Variants in RBFOX1 observed in about 807,000 individuals in gnomAD.
RBFOX1 encodes RNA binding fox-1 homolog 1.
Under a neutral mutation model 57.7 loss-of-function variants are expected in RBFOX1, and 8 were observed. The observed-to-expected ratio is 0.14, with a 90% confidence interval of 0.08 to 0.25. RBFOX1 has a LOEUF of 0.25. Among genes scored for constraint, RBFOX1 ranks in the 10% least tolerant of loss-of-function variants. The pLI is 1.00. For synonymous variants in RBFOX1, 326 were observed against 222.4 expected (o/e 1.47, Z -4.15); for missense variants, 611 against 548.5 (o/e 1.11, Z -1.14).
chr16:5,723,727 T>A (rs1382182970), intron 3 of RBFOX1, among the ~76,000 whole-genome samples: 2 of 152,164 alleles, frequency 1.3e-5, no homozygotes, highest in African/African-American at 2.4e-5. Flanking sequence ...GGATGGTGTC[T>A]GAGGTCTGAT....
chr16:6,264,634 C>A (rs573730136), intron 1 of RBFOX1, among the ~76,000 whole-genome samples: 3 of 152,144 alleles, frequency 2.0e-5, no homozygotes, highest in Non-Finnish European at 4.4e-5. Flanking sequence ...CTCTCCCCAC[C>A]GCTAATGTGC....
intron 4 of RBFOX1, among the ~76,000 whole-genome samples, chr16:7,220,833 A>T (rs752791499): frequency 2.6e-5 from 4 of 151,874 alleles, no homozygotes; most frequent in African/African-American, 4.8e-5. Flanking sequence ...GATTCTCTTG[A>T]TCTCTATCCA....
At chr16:5,640,834 C>T (rs980858910) in intron 3 of RBFOX1, among the ~76,000 whole-genome samples, 6 of 14,784 alleles carry the variant, frequency 4.1e-4, no homozygotes, top group African/African-American at 5.9e-4. Flanking sequence ...CACATACATG[C>T]ACACACACAC....
Position 6,115,185 on chromosome 16 carries a change from A to G in RBFOX1, c.-127+95193A>G, listed in dbSNP as rs371462986. Among the ~76,000 whole-genome samples, 14 of 152,204 alleles carry G rather than the reference A, an allele frequency of 9.2e-5. No individual in the cohort carries two copies. In the East Asian group the frequency reaches 2.3e-3, roughly 25 times the overall value. On this transcript the variant is annotated intron_variant, in intron 1 of 15. Transcript: ENST00000550418. ...TACTAGTTCCTGCCATTTTATTTTT[A>G]CTTCATCCTGTCAGGACCCAGAAAT...
At chr16:5,922,189 C>G (rs1379285171) in intron 4 of RBFOX1, among the ~76,000 whole-genome samples, 1 of 152,078 alleles carries the variant, frequency 6.6e-6, no homozygotes, top group Admixed American at 6.5e-5. Context: ...CAAACCCTAG[C>G]TCTCTATGTG....
At chr16:6,177,630 C>T (rs1040540359) in intron 1 of RBFOX1, among the ~76,000 whole-genome samples, 7 of 152,054 alleles carry the variant, frequency 4.6e-5, no homozygotes, top group Admixed American at 3.3e-4. Context: ...GTCATCCCAG[C>T]AAGATATAAA....
chr16:6,815,007 C>A (rs180989962), intron 3 of RBFOX1, among the ~76,000 whole-genome samples: 1 of 152,152 alleles, frequency 6.6e-6, no homozygotes, highest in African/African-American at 2.4e-5. Context: ...TCATCCTTAT[C>A]ATTACTTCTT....
At chr16:5,240,023 C>T (rs533352721) in exon 1 of RBFOX1, 9 of 1,531,176 alleles carry the variant, frequency 5.9e-6, no homozygotes, top group African/African-American at 2.8e-5. Context: ...AGCGCACAGC[C>T]CGAGGACTGC....
chr16:7,432,017 C>A (rs762789515), intron 4 of RBFOX1, among the ~76,000 whole-genome samples: 10 of 152,210 alleles, frequency 6.6e-5, no homozygotes, highest in Non-Finnish European at 1.3e-4. Context: ...AGGTCCGCTC[C>A]TTCCACTTGC....
rs930163572 is a variant in RBFOX1 at position 7,509,414 on chromosome 16, GTGTGTGTGTGTGTGTGTC to G, written c.28-8727_28-8710del. ...CCTGTGTGTGTGTGTGTGTGTGTGT[GTGTGTGTGTGTGTGTGTC>G]TGTGTCTGTGTCTGTGTGTGGTTTT... is the stretch of plus-strand genomic sequence containing the variant. On this transcript the variant is annotated intron_variant, in intron 4 of 15. Coordinates refer to ENST00000550418, the MANE Select transcript of RBFOX1 (RefSeq NM_018723.4). Among the ~76,000 whole-genome samples the G allele has an allele frequency of 4.6e-5, 6 of 131,230 alleles. No individual in the cohort carries two copies. The East Asian group carries it at 7.4e-4, about 16-fold the overall frequency. The allele number at this position is 131,230 out of a possible 152,430, so 86.1% of individuals were successfully genotyped here.
At chr16:6,102,708 G>A (rs987296661) in intron 1 of RBFOX1, among the ~76,000 whole-genome samples, 3 of 151,992 alleles carry the variant, frequency 2.0e-5, no homozygotes, top group Non-Finnish European at 2.9e-5. Context: ...AATCATTTTC[G>A]CCTCGATTTC....
chr16:7,093,601 A>T (rs1168396090), intron 4 of RBFOX1, among the ~76,000 whole-genome samples: 1 of 152,310 alleles, frequency 6.6e-6, no homozygotes, highest in East Asian at 1.9e-4. Flanking sequence ...TTAGAGGGAA[A>T]CTGGATGGAT....
chr16:7,320,535 C>G (rs562757965), intron 4 of RBFOX1, among the ~76,000 whole-genome samples: 71 of 152,292 alleles, frequency 4.7e-4, no homozygotes, highest in Admixed American at 2.4e-3. Context: ...GCTGTATGCA[C>G]TAATCTTACA....
intron 2 of RBFOX1, among the ~76,000 whole-genome samples, chr16:6,602,244 C>A (rs1470627066): frequency 6.6e-6 from 1 of 152,074 alleles, no homozygotes; most frequent in Non-Finnish European, 1.5e-5. Context: ...AGATGATTGG[C>A]AAATATTCTC....
intron 4 of RBFOX1, among the ~76,000 whole-genome samples, chr16:7,219,920 C>T (rs1170976742): frequency 6.6e-6 from 1 of 152,148 alleles, no homozygotes; most frequent in Non-Finnish European, 1.5e-5. Context: ...ATAGAATGAT[C>T]AGTAGGGTTT....
In RBFOX1 at chr16:6,000,347, C is replaced by A. The variant is rs949694742; in HGVS notation, c.351+133012C>A. Among the ~76,000 whole-genome samples, 7 of 152,074 alleles carry A rather than the reference C, an allele frequency of 4.6e-5. No homozygotes were observed. The East Asian group carries it at 1.2e-3, about 25-fold the overall frequency. ...GATGAAGATCATGCCAAAGCTCAGC[C>A]CTGACCAGGGAGAGGCAGTAACAGC... On this transcript the variant is annotated intron_variant, in intron 4 of 19. Coordinates refer to the RBFOX1 transcript ENST00000641259.
chr16:5,953,037 G>A (rs75701946), intron 4 of RBFOX1, among the ~76,000 whole-genome samples: 3,743 of 145,100 alleles, frequency 0.026, 145 homozygotes, highest in African/African-American at 0.088. Context: ...CTACATGGTA[G>A]AATCTCCTGC....
intron 2 of RBFOX1, among the ~76,000 whole-genome samples, chr16:5,541,136 C>A (rs1003593341): frequency 2.0e-5 from 3 of 152,120 alleles, no homozygotes; most frequent in Non-Finnish European, 4.4e-5. Flanking sequence ...AGACATGAGC[C>A]TCCATGCCTG....
At chr16:7,109,853 A>C (rs1399800582) in intron 4 of RBFOX1, among the ~76,000 whole-genome samples, 2 of 152,180 alleles carry the variant, frequency 1.3e-5, no homozygotes, top group Non-Finnish European at 2.9e-5. Flanking sequence ...GTGAGGTGCT[A>C]GGACCAGGTC....
Sources: gnomAD v4.1 joint callset for allele counts (sites outside exome capture counted in the v4.1 genomes callset) on GRCh38, gnomAD v4.1.1 for gene constraint, MANE v1.5 for transcripts, NCBI Gene and HGNC (gene_info 2026-07-23, HGNC 2026-07-21) for gene names.